Variants in SHANK2 observed in about 807,000 individuals in gnomAD.
SHANK2 encodes SH3 and multiple ankyrin repeat domains 2.
A neutral mutation model predicts 133.7 loss-of-function variants in SHANK2; 43 were observed. The ratio of observed to expected loss-of-function variants is 0.32; its 90% CI spans 0.25 to 0.41. The LOEUF (loss-of-function observed/expected upper bound fraction) is 0.41. SHANK2 is among the 10% of genes least tolerant of loss of function. The pLI, the probability that SHANK2 is intolerant of heterozygous loss-of-function variation, is 1.00. For synonymous variants in SHANK2, 1,017 were observed against 952.8 expected (o/e 1.07, Z -1.24); for missense variants, 1,994 against 2,235.8 (o/e 0.89, Z 2.18).
chr11:71,090,858 T>C lies in SHANK2; in HGVS notation c.912+1564A>G, dbSNP rs369611388. 4.6e-5 allele frequency among the ~76,000 whole-genome samples: 7 copies of C among 152,264 alleles called. No homozygotes were observed. The East Asian group carries it at 1.2e-3, about 25-fold the overall frequency. On this transcript the variant is annotated intron_variant, in intron 8 of 25. Coordinates refer to ENST00000601538, the MANE Select transcript of SHANK2 (RefSeq NM_012309.5). Reference sequence around the variant, plus strand: ...AGTGTTCAGCGGGAATCTGGAGTCTTTTTCTGGCAGAATTCCTTCTTTCTT... The same window carrying C: ...AGTGTTCAGCGGGAATCTGGAGTCTCTTTCTGGCAGAATTCCTTCTTTCTT...
At chr11:71,213,021 G>C (rs1555119100) in intron 2 of SHANK2, among the ~76,000 whole-genome samples, 2 of 151,960 alleles carry the variant, frequency 1.3e-5, no homozygotes, top group African/African-American at 4.8e-5. Flanking sequence ...AGGGACCCCA[G>C]GTGGAGGCAA....
chr11:70,606,961 C>T (rs894405936), intron 17 of SHANK2, among the ~76,000 whole-genome samples: 14 of 152,164 alleles, frequency 9.2e-5, no homozygotes, highest in Non-Finnish European at 1.9e-4. Flanking sequence ...CCAGTCATGT[C>T]GTCTGTGTCT....
chr11:71,107,687 C>T (rs1302572253), intron 6 of SHANK2, among the ~76,000 whole-genome samples: 1 of 152,188 alleles, frequency 6.6e-6, no homozygotes, highest in Non-Finnish European at 1.5e-5. Flanking sequence ...GTTTTAACTC[C>T]AGGCAGGACC....
chr11:70,606,508 CAAAAAAAAAAAAAAAAA>C (rs60348645), intron 17 of SHANK2, among the ~76,000 whole-genome samples: 1 of 55,070 alleles, frequency 1.8e-5, no homozygotes, highest in Non-Finnish European at 3.1e-5. Context: ...AACCTTGACT[CAAAAAAAAAAAAAAAAA>C]AAAAAAAAAA....
chr11:71,108,755 C>T (rs1431998313), intron 6 of SHANK2, among the ~76,000 whole-genome samples: 9 of 152,232 alleles, frequency 5.9e-5, no homozygotes, highest in Non-Finnish European at 1.3e-4. Flanking sequence ...CTCTGAGCCT[C>T]GCTCATGCAG....
intron 14 of SHANK2, among the ~76,000 whole-genome samples, chr11:70,759,303 G>A (rs959403686): frequency 6.6e-6 from 1 of 151,826 alleles, no homozygotes; most frequent in Admixed American, 6.6e-5. Context: ...AGAGCAGCCT[G>A]GCCAAACCCC....
At chr11:70,923,338 G>A (rs1950377166) in intron 10 of SHANK2, among the ~76,000 whole-genome samples, 1 of 152,180 alleles carries the variant, frequency 6.6e-6, no homozygotes, top group African/African-American at 2.4e-5. Flanking sequence ...CGCCTCCTGG[G>A]TTCCAGAGAT....
At chr11:70,708,936 C>T (rs782811598) in intron 14 of SHANK2, among the ~76,000 whole-genome samples, 8 of 152,164 alleles carry the variant, frequency 5.3e-5, no homozygotes, top group African/African-American at 1.2e-4. Flanking sequence ...AAGGGCAGGG[C>T]GTGGTGGCTC....
chr11:70,849,493 A>G (rs1949051198), intron 11 of SHANK2, among the ~76,000 whole-genome samples: 1 of 152,144 alleles, frequency 6.6e-6, no homozygotes, highest in African/African-American at 2.4e-5. Context: ...TAGTGTAGGA[A>G]GTGGGTGCCT....
At chr11:70,943,238 C>G (rs559408156) in intron 10 of SHANK2, among the ~76,000 whole-genome samples, 12 of 152,234 alleles carry the variant, frequency 7.9e-5, no homozygotes, top group African/African-American at 2.9e-4. Context: ...ATTATGTCCC[C>G]TGTTGGAGGT....
chr11:71,241,751 G>A (rs1954895804), intron 1 of SHANK2, among the ~76,000 whole-genome samples: 1 of 152,098 alleles, frequency 6.6e-6, no homozygotes, highest in Admixed American at 6.5e-5. Flanking sequence ...CCACACTCAG[G>A]GTCACCCCTA....
At chr11:70,775,401 A>C (rs1947340914) in intron 14 of SHANK2, among the ~76,000 whole-genome samples, 1 of 152,210 alleles carries the variant, frequency 6.6e-6, no homozygotes, top group African/African-American at 2.4e-5. Flanking sequence ...GGTTGCAGTG[A>C]GCCAAGATGG....
chr11:70,824,308 C>A (rs1278272203), intron 11 of SHANK2, among the ~76,000 whole-genome samples: 2 of 152,112 alleles, frequency 1.3e-5, no homozygotes, highest in Non-Finnish European at 2.9e-5. Flanking sequence ...GACGTCAGTG[C>A]CTGCTGTCGG....
In SHANK2 at chr11:70,953,963, G is replaced by A. The variant is rs180930289; in HGVS notation, c.1108-57396C>T. ...AGGCACGTGCACCTCTAGGAGAGCC[G>A]TGTGTGTATGTGTGTGTGTGTCTAA... On this transcript the variant is annotated intron_variant, in intron 10 of 25. Coordinates refer to ENST00000601538, the MANE Select transcript of SHANK2 (RefSeq NM_012309.5). Among the ~76,000 whole-genome samples, 32 of 152,338 alleles carry A rather than the reference G, an allele frequency of 2.1e-4. No homozygotes were observed. The East Asian group carries it at 5.2e-3, about 25-fold the overall frequency.
At chr11:71,071,888 C>T (rs2135970150) in intron 9 of SHANK2, among the ~76,000 whole-genome samples, 1 of 152,212 alleles carries the variant, frequency 6.6e-6, no homozygotes, top group South Asian at 2.1e-4. Flanking sequence ...AGAGGATGGA[C>T]CCTGGCACAA....
chr11:70,736,787 A>T lies in SHANK2; in HGVS notation c.1778-38024T>A, dbSNP rs540437292. On this transcript the variant is annotated intron_variant, in intron 14 of 25. Transcript: ENST00000601538. ...CCAACACAACCCCCACCCCACCCTC[A>T]CACCCTTCAGATCCCAGGGATGAAG... 4.0e-5 allele frequency among the ~76,000 whole-genome samples: 6 copies of T among 151,638 alleles called. No homozygotes were observed. In the South Asian group the frequency reaches 1.3e-3, roughly 32 times the overall value.
At chr11:71,201,978 C>G (rs782150680) in intron 2 of SHANK2, among the ~76,000 whole-genome samples, 6 of 152,218 alleles carry the variant, frequency 3.9e-5, no homozygotes, top group Non-Finnish European at 8.8e-5. Context: ...TACAGGATAC[C>G]GACCAATTAT....
At chr11:70,838,172 G>A (rs530235780) in intron 11 of SHANK2, among the ~76,000 whole-genome samples, 24 of 152,118 alleles carry the variant, frequency 1.6e-4, no homozygotes, top group Admixed American at 5.9e-4. Flanking sequence ...GAAGACCTGG[G>A]GCAGGGGAGG....
chr11:71,233,918 A>G (rs1555123320), intron 1 of SHANK2, among the ~76,000 whole-genome samples: 1 of 151,920 alleles, frequency 6.6e-6, no homozygotes, highest in Non-Finnish European at 1.5e-5. Context: ...GTGGTGGTGC[A>G]CGTCTGTAAT....
Sources: allele counts gnomAD v4.1 joint callset (sites outside exome capture counted in the v4.1 genomes callset), GRCh38; gene constraint gnomAD v4.1.1; transcripts MANE v1.5; gene names NCBI Gene and HGNC (gene_info 2026-07-23, HGNC 2026-07-21).